Variants in TBC1D1 observed in about 807,000 individuals in gnomAD.
TBC1D1 encodes the protein TBC1 (tre-2/USP6, BUB2, cdc16) domain family, member 1.
Under a neutral mutation model 125.6 loss-of-function variants are expected in TBC1D1, and 89 were observed. The observed-to-expected ratio is 0.71, with a 90% confidence interval of 0.60 to 0.85. TBC1D1 has a LOEUF of 0.85. Among genes scored for constraint, TBC1D1 ranks in the 40% least tolerant of loss-of-function variants. TBC1D1 has a pLI of 0.00. For missense variants in TBC1D1, 1,377 were observed against 1,469.2 expected (o/e 0.94, Z 1.03); for synonymous variants, 565 against 564.1 (o/e 1.00, Z -0.02).
chr4:37,961,601 A>C (rs1730072639), intron 2 of TBC1D1, among the ~76,000 whole-genome samples: 1 of 152,238 alleles, frequency 6.6e-6, no homozygotes, highest in African/African-American at 2.4e-5. Context: ...GTGTCAATCC[A>C]GATCACCTGA....
In TBC1D1 at chr4:38,014,492, CCTCT is replaced by C; in HGVS notation, c.418-9_418-6del. The C allele has an allele frequency of 6.2e-7, 1 of 1,605,016 alleles. No homozygotes were observed. The highest frequency in any genetic ancestry group is 8.5e-7 in the Non-Finnish European group (1 of 1,173,178). ...CACACTGCATGTTCCAAATAACACG[CCTCT>C]CTCTCTCCTCAGGTGCCTGAGATCA... On this transcript the variant is annotated splice_polypyrimidine_tract_variant and intron_variant, in intron 2 of 19. Coordinates refer to ENST00000261439, the MANE Select transcript of TBC1D1 (RefSeq NM_015173.4). This position sits in a 1 kb window ranked among gnomAD's most constrained non-coding sequence, Gnocchi z 5.1.
At chr4:37,976,346 G>A (rs754215726) in intron 2 of TBC1D1, among the ~76,000 whole-genome samples, 1 of 152,224 alleles carries the variant, frequency 6.6e-6, no homozygotes, top group East Asian at 1.9e-4. Context: ...TTCAGCCAGA[G>A]CCATCCAGCT....
intron 2 of TBC1D1, among the ~76,000 whole-genome samples, chr4:37,954,930 A>G (rs113995220): frequency 0.015 from 1,763 of 118,498 alleles, 41 homozygotes; most frequent in African/African-American, 0.057. Flanking sequence ...TCTGTCGTCC[A>G]GGCTGGAGTG....
intron 15 of TBC1D1, among the ~76,000 whole-genome samples, chr4:38,112,827 A>G (rs1026699317): frequency 6.6e-6 from 1 of 152,178 alleles, no homozygotes; most frequent in Non-Finnish European, 1.5e-5. Flanking sequence ...CCCACACTCC[A>G]TCTGTGTGAC....
intron 2 of TBC1D1, among the ~76,000 whole-genome samples, chr4:37,905,721 A>G (rs1029980118): frequency 5.9e-5 from 9 of 152,344 alleles, no homozygotes; most frequent in Admixed American, 5.9e-4. Context: ...AAACTATTGC[A>G]ACCATTTGCC....
chr4:37,931,064 A>G (rs1167597634), intron 2 of TBC1D1, among the ~76,000 whole-genome samples: 1 of 151,724 alleles, frequency 6.6e-6, no homozygotes, highest in Admixed American at 6.6e-5. Flanking sequence ...ACCACGATAG[A>G]TACTTATGTT....
At chr4:37,991,826 G>A (rs1736635514) in intron 2 of TBC1D1, among the ~76,000 whole-genome samples, 1 of 152,154 alleles carries the variant, frequency 6.6e-6, no homozygotes, top group East Asian at 1.9e-4. Context: ...GCCTCCTGTG[G>A]CTGCATTTCA....
chr4:37,921,268 C>T (rs889748486), intron 2 of TBC1D1, among the ~76,000 whole-genome samples: 1 of 151,354 alleles, frequency 6.6e-6, no homozygotes, highest in Admixed American at 6.6e-5. Context: ...AGGGCATAGA[C>T]GCCAGATTGC....
At position 38,137,621 on chromosome 4, in the gene TBC1D1, T is replaced by C. The variant is rs1048508313; in HGVS notation, c.*286T>C. ...GTGAATAAATGCAACTTATGTTTTC[T>C]TGTTGGTTCCTTTTTGAGTGTCACT... On this transcript the variant is annotated 3_prime_UTR_variant, in exon 20 of 20. Coordinates refer to ENST00000261439, the MANE Select transcript of TBC1D1 (RefSeq NM_015173.4). The C allele has an allele frequency of 5.7e-6, 2 of 350,270 alleles. No individual in the cohort carries two copies. The highest frequency in any genetic ancestry group is 5.1e-6 in the Non-Finnish European group (1 of 196,868). The allele number at this position is 350,270 out of a possible 1,614,324, so 21.7% of individuals were successfully genotyped here.
rs183994780 is a variant in TBC1D1, at chr4:38,048,272, A to G, written c.1630-1346A>G. 5.0e-3 allele frequency among the ~76,000 whole-genome samples: 767 copies of G among 152,348 alleles called. 7 individuals carry two copies. The highest frequency in any genetic ancestry group is 0.016 in the African/African-American group (663 of 41,592). ...TGAAAATGGCCCTTTCAGTTGTCCAATTAAGCTAAGGGTTAGCTCTTTGAT... is the reference window on the plus strand; with the variant it reads ...TGAAAATGGCCCTTTCAGTTGTCCAGTTAAGCTAAGGGTTAGCTCTTTGAT... On this transcript the variant is annotated intron_variant, in intron 10 of 19. Transcript: ENST00000261439.
chr4:38,009,238 G>A (rs1370324649), intron 2 of TBC1D1, among the ~76,000 whole-genome samples: 2 of 152,020 alleles, frequency 1.3e-5, no homozygotes, highest in Non-Finnish European at 2.9e-5. Context: ...TTTTTTGTGT[G>A]AAGTGCTCAT....
chr4:38,125,181 A>G, intron 18 of TBC1D1, 50 bp downstream of exon 20: 1 of 1,564,004 alleles, frequency 6.4e-7, no homozygotes, highest in Non-Finnish European at 8.8e-7. Context: ...CTAGATATGT[A>G]GAAACTTAAA....
At chr4:38,004,925 C>T (rs1243055218) in intron 2 of TBC1D1, among the ~76,000 whole-genome samples, 1 of 152,188 alleles carries the variant, frequency 6.6e-6, no homozygotes, top group Non-Finnish European at 1.5e-5. Context: ...TTGAGGTTAG[C>T]CCTTTTATGC....
At chr4:37,922,021 G>A (rs1721111061) in intron 2 of TBC1D1, among the ~76,000 whole-genome samples, 1 of 152,100 alleles carries the variant, frequency 6.6e-6, no homozygotes, top group African/African-American at 2.4e-5. Flanking sequence ...ACAGGTGTGA[G>A]CCACCACACC....
At chr4:38,006,738 C>G in intron 2 of TBC1D1, 1 of 393,616 alleles carries the variant, frequency 2.5e-6, no homozygotes, top group South Asian at 2.1e-5. Flanking sequence ...CTTGGCCTCC[C>G]AAAGTGCTGG....
chr4:37,950,676 C>A (rs1365004931), intron 2 of TBC1D1, among the ~76,000 whole-genome samples: 1 of 150,928 alleles, frequency 6.6e-6, no homozygotes, highest in Non-Finnish European at 1.5e-5. Flanking sequence ...TTATTCTCAC[C>A]CAAAATTCAT....
chr4:38,065,302 G>A (rs1753515455), intron 12 of TBC1D1, among the ~76,000 whole-genome samples: 1 of 152,058 alleles, frequency 6.6e-6, no homozygotes, highest in Non-Finnish European at 1.5e-5. Flanking sequence ...AGAATCCCCT[G>A]GAGGACTTGT....
chr4:37,938,507 T>C (rs1283882551), intron 2 of TBC1D1, among the ~76,000 whole-genome samples: 4 of 152,086 alleles, frequency 2.6e-5, no homozygotes, highest in African/African-American at 9.7e-5. Flanking sequence ...ATAAGCGATT[T>C]GAATTTTTTT....
chr4:38,014,550 C>A lies in TBC1D1; in HGVS notation c.459C>A (p.Ile153=), dbSNP rs749528909. The change falls in exon 3 of 20, where the codon ATC becomes ATA. Residue 153 remains isoleucine, a synonymous_variant. Coordinates refer to ENST00000261439, the MANE Select transcript of TBC1D1 (RefSeq NM_015173.4). This position sits in a 1 kb window ranked among gnomAD's most constrained non-coding sequence, Gnocchi z 5.1. ...GCTCCATCCGTCAGGCGGGGAAGAT[C>A]GCCCGGCAGGAGGAGCTGCACTGCC... 3 of 1,613,254 alleles carry A rather than the reference C, an allele frequency of 1.9e-6. No individual in the cohort carries two copies. The Admixed American group carries it at 5.0e-5, about 27-fold the overall frequency.
Sources: allele counts gnomAD v4.1 joint callset (sites outside exome capture counted in the v4.1 genomes callset), GRCh38; gene constraint gnomAD v4.1.1; non-coding constraint Gnocchi (gnomAD v3.1); transcripts MANE v1.5; gene names NCBI Gene and HGNC (gene_info 2026-07-23, HGNC 2026-07-21).